C5orf47: variants seen among roughly 807,000 people sequenced by gnomAD.
The protein encoded by C5orf47 is chromosome 5 open reading frame 47, also known as uncharacterized protein C5orf47.
C5orf47 carries 20 observed loss-of-function variants against 20.6 expected under a neutral mutation model. That is an observed-to-expected ratio of 0.97 (90% CI 0.68 to 1.41). C5orf47 has a LOEUF of 1.41. Among genes scored for constraint, C5orf47 ranks in the 40% most tolerant of loss-of-function variants. The probability of loss-of-function intolerance (pLI) is 0.00; values close to 1 mark genes in which losing one functional copy is unlikely to be tolerated. For synonymous variants in C5orf47, 106 were observed against 97.3 expected (o/e 1.09, Z -0.53); for missense variants, 262 against 238.4 (o/e 1.10, Z -0.65).
In C5orf47 at chr5:174,004,943, A is replaced by T. The variant is rs1052003428; in HGVS notation, c.*689A>T. The T allele has an allele frequency of 6.6e-6, 1 of 152,150 alleles. No individual in the cohort carries two copies. Among genetic ancestry groups the T allele is most frequent in the African/African-American group, 2.4e-5 (1 of 41,432 alleles). 9.4% of individuals were successfully genotyped at this position (152,150 alleles called of 1,614,324 possible). A position where few individuals can be genotyped will look rare whatever the true frequency, so the allele number is the denominator to read the frequency against. ...TTACCTTGCCAGGCCCCTAAGTAAT[A>T]CATTATTTTTAAGTCAATGAATGAG... On this transcript the variant is annotated 3_prime_UTR_variant, in exon 5 of 5. Coordinates refer to ENST00000340147, the MANE Select transcript of C5orf47 (RefSeq NM_001144954.2).
chr5:174,005,094 C>T lies in C5orf47; in HGVS notation c.*840C>T, dbSNP rs1759266017. On this transcript the variant is annotated 3_prime_UTR_variant, in exon 5 of 5. Coordinates refer to ENST00000340147, the MANE Select transcript of C5orf47 (RefSeq NM_001144954.2). ...CTGCTTTTTTGCTGGTACGATCTCTCTTTCTAAATTGAATCAAAGACCTAG... is the reference window on the plus strand; with the variant it reads ...CTGCTTTTTTGCTGGTACGATCTCTTTTTCTAAATTGAATCAAAGACCTAG... The T allele has an allele frequency of 6.6e-6, 1 of 152,098 alleles. No homozygotes were observed. Among genetic ancestry groups the T allele is most frequent in the Non-Finnish European group, 1.5e-5 (1 of 68,010 alleles). The allele number at this position is 152,098 out of a possible 1,614,324, so 9.4% of individuals were successfully genotyped here.
rs1759268720 is a variant in C5orf47 at position 174,005,245 on chromosome 5, G to A, written c.*991G>A. On this transcript the variant is annotated 3_prime_UTR_variant, in exon 5 of 5. Transcript: ENST00000340147. Reference sequence around the variant, plus strand: ...TTATATCCAGGATGATTACAGTGATGACATCCATTCTTTTTTGGGGGCATT... The same window carrying A: ...TTATATCCAGGATGATTACAGTGATAACATCCATTCTTTTTTGGGGGCATT... 1.3e-5 allele frequency: 2 copies of A among 152,116 alleles called. No homozygotes were observed. The highest frequency in any genetic ancestry group is 3.8e-4 in the East Asian group (2 of 5,198). 9.4% of individuals were successfully genotyped at this position (152,116 alleles called of 1,614,324 possible). A position where few individuals can be genotyped will look rare whatever the true frequency, so the allele number is the denominator to read the frequency against.
chr5:174,003,835 A>G (rs1581198677), intron 4 of C5orf47, among the ~76,000 whole-genome samples: 1 of 152,296 alleles, frequency 6.6e-6, no homozygotes, highest in Non-Finnish European at 1.5e-5. Context: ...TTGCTTAGTG[A>G]GAGTATAAGG....
At chr5:173,993,287 G>A (rs946874304) in intron 1 of C5orf47, among the ~76,000 whole-genome samples, 21 of 152,172 alleles carry the variant, frequency 1.4e-4, no homozygotes, top group African/African-American at 4.8e-4. Flanking sequence ...CTGAGGGTGT[G>A]GTTTTTGCTT....
chr5:173,999,240 A>G (rs761502637), intron 2 of C5orf47, among the ~76,000 whole-genome samples: 2 of 152,194 alleles, frequency 1.3e-5, no homozygotes, highest in Non-Finnish European at 2.9e-5. Flanking sequence ...CGATTCCAGT[A>G]TATTTATGTT....
At chr5:173,998,553 T>G (rs1307796860) in intron 2 of C5orf47, among the ~76,000 whole-genome samples, 1 of 152,132 alleles carries the variant, frequency 6.6e-6, no homozygotes, top group African/African-American at 2.4e-5. Context: ...TGATAGATAA[T>G]GTAGTATAAG....
rs140106885 is a variant in C5orf47, at chr5:173,992,535, T to C, written c.325+2947T>C. 1.6e-4 allele frequency among the ~76,000 whole-genome samples: 24 copies of C among 152,326 alleles called. No homozygotes were observed. The East Asian group carries it at 4.4e-3, about 28-fold the overall frequency. On this transcript the variant is annotated intron_variant, in intron 1 of 4. Coordinates refer to ENST00000340147, the MANE Select transcript of C5orf47 (RefSeq NM_001144954.2). ...CTTTTGGTTTACTTTGTTCTTCTTATACTTTTTTGTGAGCAGGGAATTTAA... is the reference window on the plus strand; with the variant it reads ...CTTTTGGTTTACTTTGTTCTTCTTACACTTTTTTGTGAGCAGGGAATTTAA...
intron 3 of C5orf47, among the ~76,000 whole-genome samples, chr5:174,000,492 C>A (rs1262095908): frequency 1.3e-5 from 2 of 152,064 alleles, no homozygotes; most frequent in East Asian, 1.9e-4. Context: ...ACGTGCATTT[C>A]TTTCTTTAAC....
downstream of C5orf47, among the ~76,000 whole-genome samples, chr5:174,007,321 G>A (rs1329151521): frequency 6.6e-6 from 1 of 152,152 alleles, no homozygotes; most frequent in East Asian, 1.9e-4. Context: ...ACAAATTATT[G>A]CTACCATTAA....
rs1283921979 is a variant in C5orf47, at chr5:174,005,133, C to T, written c.*879C>T. On this transcript the variant is annotated 3_prime_UTR_variant, in exon 5 of 5. Coordinates refer to ENST00000340147, the MANE Select transcript of C5orf47 (RefSeq NM_001144954.2). ...TCAAAGACCTAGGTGGAACTGGAAA[C>T]TTAGGAGGGAAAGACAAAATGAGGC... The T allele has an allele frequency of 6.6e-6, 1 of 152,074 alleles. No homozygotes were observed. The highest frequency in any genetic ancestry group is 1.9e-4 in the East Asian group (1 of 5,198). 9.4% of individuals were successfully genotyped at this position (152,074 alleles called of 1,614,324 possible).
At chr5:173,994,200 T>A (rs568917229) in intron 1 of C5orf47, among the ~76,000 whole-genome samples, 34 of 152,346 alleles carry the variant, frequency 2.2e-4, no homozygotes, top group African/African-American at 8.2e-4. Flanking sequence ...CAGACCTTAC[T>A]GTTGACCAAT....
intron 4 of C5orf47, 100 bp downstream of exon 4, chr5:174,001,331 T>C (rs1293021990): frequency 1.5e-6 from 1 of 679,144 alleles, no homozygotes; most frequent in Non-Finnish European, 2.5e-6. Context: ...CAATCATTGC[T>C]AATTCCAGCC....
Position 174,005,758 on chromosome 5 carries a change from GTTTATA to G in C5orf47, c.*1510_*1515del, listed in dbSNP as rs1420002557. 1 of 152,280 alleles carries G rather than the reference GTTTATA, an allele frequency of 6.6e-6. No homozygotes were observed. The highest frequency in any genetic ancestry group is 2.1e-4 in the South Asian group (1 of 4,826). 9.4% of individuals were successfully genotyped at this position (152,280 alleles called of 1,614,324 possible). ...GAGTTTTAGGTTTGCTTCAATGTATGTTTATATTTATGTGACTTATACAACTTGACA... is the reference window on the plus strand; with the variant it reads ...GAGTTTTAGGTTTGCTTCAATGTATGTTTATGTGACTTATACAACTTGACA... On this transcript the variant is annotated 3_prime_UTR_variant, in exon 5 of 5. Coordinates refer to ENST00000340147, the MANE Select transcript of C5orf47 (RefSeq NM_001144954.2).
chr5:173,996,497 C>A (rs900776042), intron 1 of C5orf47, among the ~76,000 whole-genome samples: 1 of 152,006 alleles, frequency 6.6e-6, no homozygotes, highest in East Asian at 1.9e-4. Flanking sequence ...GGGAATGATG[C>A]AAATATAGTA....
At chr5:173,999,597 A>G in intron 2 of C5orf47, 103 bp from the exon 3 acceptor site, 1 of 498,824 alleles carries the variant, frequency 2.0e-6, no homozygotes, top group East Asian at 3.3e-5. Flanking sequence ...TAATGATGAT[A>G]TCAATTGACA....
intron 3 of C5orf47, among the ~76,000 whole-genome samples, chr5:174,000,146 A>G (rs1759170037): frequency 6.6e-6 from 1 of 152,146 alleles, no homozygotes; most frequent in Non-Finnish European, 1.5e-5. Context: ...GAAGAAAAAC[A>G]TTTTAACTGC....
Position 173,993,498 on chromosome 5 carries a change from G to C in C5orf47, c.325+3910G>C, listed in dbSNP as rs546183885. ...TTTGCCAAAAATACAAAAATTAGCT[G>C]GGTGTGGTGGTGCGCGCCTGCTGTA... is the stretch of plus-strand genomic sequence containing the variant. On this transcript the variant is annotated intron_variant, in intron 1 of 4. Coordinates refer to ENST00000340147, the MANE Select transcript of C5orf47 (RefSeq NM_001144954.2). Among the ~76,000 whole-genome samples the C allele has an allele frequency of 3.2e-4, 49 of 152,250 alleles. No homozygotes were observed. The South Asian group carries it at 9.7e-3, about 30-fold the overall frequency.
chr5:173,989,312 T>A lies in C5orf47; in HGVS notation c.49T>A (p.Tyr17Asn). The A allele has an allele frequency of 7.1e-7, 1 of 1,408,404 alleles. No individual in the cohort carries two copies. Among genetic ancestry groups the A allele is most frequent in the Non-Finnish European group, 9.3e-7 (1 of 1,075,386 alleles). The allele number at this position is 1,408,404 out of a possible 1,614,324, so 87.2% of individuals were successfully genotyped here. Residue 17 changes from tyrosine (Y) to asparagine (N), a missense_variant, in exon 1 of 5, where the codon TAT becomes AAT. Physicochemically the swap from Tyr to Asn is moderately radical, Grantham distance 143. Coordinates refer to ENST00000340147, the MANE Select transcript of C5orf47 (RefSeq NM_001144954.2). ...GREQDSARFVYVTRFGSHQCS... is the reference protein window; with the variant it reads ...GREQDSARFVNVTRFGSHQCS... ...GGAGCAGGACTCGGCGCGCTTCGTCTATGTGACGCGCTTCGGCTCGCATCA... is the reference window on the plus strand; with the variant it reads ...GGAGCAGGACTCGGCGCGCTTCGTCAATGTGACGCGCTTCGGCTCGCATCA...
At chr5:173,995,213 G>T (rs1267940298) in intron 1 of C5orf47, among the ~76,000 whole-genome samples, 1 of 152,218 alleles carries the variant, frequency 6.6e-6, no homozygotes, top group African/African-American at 2.4e-5. Flanking sequence ...AACCTATCGT[G>T]TGAGCACTAG....
Sources: gnomAD v4.1 joint callset for allele counts (sites outside exome capture counted in the v4.1 genomes callset) on GRCh38, gnomAD v4.1.1 for gene constraint, MANE v1.5 for transcripts, NCBI Gene and HGNC (gene_info 2026-07-23, HGNC 2026-07-21) for gene names.